The following KIDINS220 variants were observed in gnomAD, a reference collection of about 807,000 sequenced individuals.
The protein encoded by KIDINS220 is kinase D-interacting substrate of 220 kDa.
A neutral mutation model predicts 157.6 loss-of-function variants in KIDINS220; 63 were observed. The observed-to-expected ratio is 0.40, with a 90% confidence interval of 0.33 to 0.49. KIDINS220 has a LOEUF of 0.49. Among genes scored for constraint, KIDINS220 ranks in the 20% least tolerant of loss-of-function variants. The pLI is 0.66. For synonymous variants in KIDINS220, 732 were observed against 783.6 expected, an observed-to-expected ratio of 0.93 and a Z score of 1.10; for missense variants, 1,772 against 2,171.2, an observed-to-expected ratio of 0.82 and a Z score of 3.65.
chr2:8,836,446 C>A (rs1680412482), intron 1 of KIDINS220, among the ~76,000 whole-genome samples: 2 of 151,990 alleles, frequency 1.3e-5, no homozygotes, highest in African/African-American at 4.8e-5. Context: ...CTTGTGTGCA[C>A]CAAAATTATT....
At chr2:8,733,318 G>T in intron 29 of KIDINS220, 126 bp downstream of exon 29, 1 of 817,532 alleles carries the variant, frequency 1.2e-6, no homozygotes, top group Non-Finnish European at 1.9e-6. Context: ...CCTCCATCTT[G>T]TCTCCTGTTC....
At chr2:8,773,314 A>G (rs1670484641) in intron 21 of KIDINS220, among the ~76,000 whole-genome samples, 1 of 152,190 alleles carries the variant, frequency 6.6e-6, no homozygotes, top group African/African-American at 2.4e-5. Context: ...AAATGTGTAA[A>G]CATCATTATT....
chr2:8,747,961 G>A lies in KIDINS220; in HGVS notation c.3454C>T (p.Pro1152Ser), dbSNP rs1167491479. The change falls in exon 25 of 30, where the codon CCT becomes TCT. Residue 1152 changes from proline (P) to serine (S), a missense_variant. Physicochemically the swap from Pro to Ser is moderately conservative, Grantham distance 74. Transcript: ENST00000256707. Reference protein sequence around the residue: ...APYLYTPRYYPGGSQHLISRP... With the variant: ...APYLYTPRYYSGGSQHLISRP... ...GAGATGAGATGTTGGGAGCCGCCAG[G>A]GTAATACCTTGGCGTGTAAAGGTAT... 3 of 1,602,178 alleles carry A rather than the reference G, an allele frequency of 1.9e-6. No homozygotes were observed. In the Admixed American group the frequency reaches 5.2e-5, roughly 28 times the overall value.
intron 22 of KIDINS220, among the ~76,000 whole-genome samples, chr2:8,760,014 A>G (rs1188446929): frequency 7.2e-5 from 11 of 152,178 alleles, no homozygotes; most frequent in Non-Finnish European, 1.3e-4. Flanking sequence ...GACTGCTTCA[A>G]AAGCTGCTGA....
At position 8,779,314 on chromosome 2, in the gene KIDINS220, G is replaced by T. The variant is rs1271511239; in HGVS notation, c.2371-175C>A. On this transcript the variant is annotated intron_variant, in intron 18 of 29. Coordinates refer to ENST00000256707, the MANE Select transcript of KIDINS220 (RefSeq NM_020738.4). ...TTTACTGACAGCTCAATCTAGGTTTGTTGTCATCTGACATAGATAAAACCT... is the reference window on the plus strand; with the variant it reads ...TTTACTGACAGCTCAATCTAGGTTTTTTGTCATCTGACATAGATAAAACCT... 2.6e-5 allele frequency among the ~76,000 whole-genome samples: 4 copies of T among 152,282 alleles called. No homozygotes were observed. In the East Asian group the frequency reaches 5.8e-4, roughly 22 times the overall value.
In KIDINS220 at chr2:8,827,051, C is replaced by T; in HGVS notation, c.43G>A (p.Glu15Lys). ...GCTTTCAGAGCAGGAATGTTTTCTT[C>T]CTCTACATAATTTATGACGCTCTGT... Reference protein sequence around the residue: ...ISQSVINYVEEENIPALKALL... With the variant: ...ISQSVINYVEKENIPALKALL... The change falls in exon 2 of 30, where the codon GAA becomes AAA. Residue 15 changes from glutamate to lysine, a missense_variant. This residue lies in a region of KIDINS220 where 254 missense variants were observed against 268.6 expected (regional missense o/e 0.95). Transcript: ENST00000256707. 1 of 1,609,752 alleles carries T rather than the reference C, an allele frequency of 6.2e-7. No homozygotes were observed. Among genetic ancestry groups the T allele is most frequent in the East Asian group, 2.2e-5 (1 of 44,732 alleles).
rs564497656 is a variant in KIDINS220, at chr2:8,770,650, A to T, written c.3011+20T>A. 9 of 1,488,766 alleles carry T rather than the reference A, an allele frequency of 6.0e-6. No individual in the cohort carries two copies. In the East Asian group the frequency reaches 2.1e-4, roughly 34 times the overall value. 92.2% of individuals were successfully genotyped at this position (1,488,766 alleles called of 1,614,324 possible). A position where few individuals can be genotyped will look rare whatever the true frequency, so the allele number is the denominator to read the frequency against. ...CTCAACCTAAAATAAAGTAAAATAC[A>T]AAGAGGTCACAAAAGGTACCTTTCG... is the stretch of plus-strand genomic sequence containing the variant. On this transcript the variant is annotated intron_variant, in intron 22 of 29. Coordinates refer to ENST00000256707, the MANE Select transcript of KIDINS220 (RefSeq NM_020738.4).
chr2:8,837,030 C>A lies in KIDINS220; in HGVS notation c.-37+450G>T, dbSNP rs532793499. Among the ~76,000 whole-genome samples, 54 of 152,082 alleles carry A rather than the reference C, an allele frequency of 3.6e-4. 2 individuals carry two copies. The highest frequency in any genetic ancestry group is 3.1e-3 in the Admixed American group (47 of 15,282). The stretch of plus-strand genomic sequence containing the variant: ...CAGGACAATGGAGCAATGGAGCCCA[C>A]GATAAAAGCAAGGGAGAAAACAACA... On this transcript the variant is annotated intron_variant, in intron 1 of 29. Transcript: ENST00000256707.
downstream of KIDINS220, chr2:8,727,237 T>C: frequency 9.1e-7 from 1 of 1,099,576 alleles, no homozygotes; most frequent in Non-Finnish European, 1.1e-6. Flanking sequence ...CCCCACTGGT[T>C]TCTTCCCTTC....
rs769789455 is a variant in KIDINS220 at position 8,751,627 on chromosome 2, G to C, written c.3029C>G (p.Pro1010Arg). 8 of 1,593,806 alleles carry C rather than the reference G, an allele frequency of 5.0e-6. No homozygotes were observed. The Admixed American group carries it at 8.8e-5, about 17-fold the overall frequency. Residue 1010 changes from proline to arginine, a missense_variant, in exon 23 of 30, where the codon CCA (proline) becomes CGA (arginine). By Grantham distance (103) the Pro-to-Arg change is moderately radical (BLOSUM62 -2). Transcript: ENST00000256707. ...AAGTGGCTCAACATCCTTAGTTGTTGGAATATTCTTTGATATTCTTCAAAT... is the reference window on the plus strand; with the variant it reads ...AAGTGGCTCAACATCCTTAGTTGTTCGAATATTCTTTGATATTCTTCAAAT... ...TIYERISKNI[P>R]TTKDVEPLLE...
At chr2:8,814,739 A>C (rs1676813769) in intron 4 of KIDINS220, among the ~76,000 whole-genome samples, 1 of 152,224 alleles carries the variant, frequency 6.6e-6, no homozygotes, top group Non-Finnish European at 1.5e-5. Flanking sequence ...AGTAATTACA[A>C]AGTGAAAAAT....
At chr2:8,741,318 A>C (rs922324099) in intron 26 of KIDINS220, among the ~76,000 whole-genome samples, 1 of 152,226 alleles carries the variant, frequency 6.6e-6, no homozygotes, top group Non-Finnish European at 1.5e-5. Context: ...CTGTAATCCC[A>C]ACACTTTGGG....
intron 17 of KIDINS220, among the ~76,000 whole-genome samples, chr2:8,785,272 G>A (rs1672244764): frequency 6.6e-6 from 1 of 152,170 alleles, no homozygotes; most frequent in African/African-American, 2.4e-5. Context: ...GGGTGAACAG[G>A]TGTGAAGAGG....
Position 8,733,425 on chromosome 2 carries a change from A to G in KIDINS220, c.4053+19T>C, listed in dbSNP as rs755342766. On this transcript the variant is annotated intron_variant, in intron 29 of 29. Transcript: ENST00000256707. Reference sequence around the variant, plus strand: ...GTGCTTATTCTTCAATAATATGAAAAATGCCATTCAATAAATACCTGCCAA... The same window carrying G: ...GTGCTTATTCTTCAATAATATGAAAGATGCCATTCAATAAATACCTGCCAA... The G allele has an allele frequency of 1.3e-6, 2 of 1,577,866 alleles. No individual in the cohort carries two copies. Among genetic ancestry groups the G allele is most frequent in the Non-Finnish European group, 1.7e-6 (2 of 1,148,674 alleles).
chr2:8,814,247 T>C (rs1676731564), intron 4 of KIDINS220, among the ~76,000 whole-genome samples: 1 of 152,130 alleles, frequency 6.6e-6, no homozygotes, highest in African/African-American at 2.4e-5. Context: ...TACGATTCAA[T>C]AAAAAAGACC....
chr2:8,810,790 A>G (rs1204484899), intron 6 of KIDINS220, among the ~76,000 whole-genome samples: 2 of 152,154 alleles, frequency 1.3e-5, no homozygotes, highest in Non-Finnish European at 2.9e-5. Flanking sequence ...TGTCAAAAAA[A>G]AACAAAAATT....
At chr2:8,800,913 TA>T (rs907811310) in intron 8 of KIDINS220, among the ~76,000 whole-genome samples, 1 of 152,128 alleles carries the variant, frequency 6.6e-6, no homozygotes, top group Non-Finnish European at 1.5e-5. Context: ...CCATGAATTC[TA>T]AAAAAACGGA....
Position 8,736,248 on chromosome 2 carries a change from T to C in KIDINS220, c.3717+620A>G, listed in dbSNP as rs955384058. Among the ~76,000 whole-genome samples the C allele has an allele frequency of 5.5e-4, 84 of 152,204 alleles. 4 individuals are homozygous for C. Among genetic ancestry groups the C allele is most frequent in the Admixed American group, 5.4e-3 (83 of 15,286 alleles). ...GTATACCTTAGTGAAATACCTACTA[T>C]AAAGACTTCGTTAAAACCTTCCCCC... On this transcript the variant is annotated intron_variant, in intron 27 of 29. Coordinates refer to ENST00000256707, the MANE Select transcript of KIDINS220 (RefSeq NM_020738.4).
chr2:8,761,728 C>T (rs1362821310), intron 22 of KIDINS220, among the ~76,000 whole-genome samples: 1 of 152,008 alleles, frequency 6.6e-6, no homozygotes, highest in Non-Finnish European at 1.5e-5. Context: ...GCCAAACATG[C>T]TAATAATGTT....
Sources: allele counts gnomAD v4.1 joint callset (sites outside exome capture counted in the v4.1 genomes callset), GRCh38; gene constraint gnomAD v4.1.1; regional missense constraint gnomAD v4.1.1; transcripts MANE v1.5; gene names NCBI Gene and HGNC (gene_info 2026-07-23, HGNC 2026-07-21).